XPO5: variants seen among roughly 807,000 people sequenced by gnomAD.
XPO5 encodes exportin 5.
XPO5 carries 46 observed loss-of-function variants against 160.6 expected under a neutral mutation model. The observed-to-expected ratio is 0.29, with a 90% CI of 0.23 to 0.37. The LOEUF (loss-of-function observed/expected upper bound fraction) is 0.37. Ranked by LOEUF, XPO5 falls within the 10% of genes least tolerant of loss-of-function variation. XPO5 has a pLI of 1.00. For missense variants in XPO5, 1,090 were observed against 1,463.9 expected, an observed-to-expected ratio of 0.74 and a Z score of 4.17; for synonymous variants, 537 against 519.3, an observed-to-expected ratio of 1.03 and a Z score of -0.46.
Position 43,551,373 on chromosome 6 carries a change from G to A in XPO5, c.1653C>T (p.Cys551=), listed in dbSNP as rs770243870. Residue 551 remains cysteine (C), a synonymous_variant, in exon 15 of 32, where the codon TGC becomes TGT. Coordinates refer to ENST00000265351, the MANE Select transcript of XPO5 (RefSeq NM_020750.3). ...FDTKDPLILS[C]VLTNVSALFP... ...AGAGTGCAGAGACATTAGTAAGGAC[G>A]CAGGACAGGATGAGGGGATCCTTGG... The A allele has an allele frequency of 2.2e-5, 35 of 1,613,784 alleles. No individual in the cohort carries two copies. Among genetic ancestry groups the A allele is most frequent in the Non-Finnish European group, 2.6e-5 (31 of 1,179,860 alleles).
At position 43,528,213 on chromosome 6, in the gene XPO5, AAC is replaced by A. The variant is rs1240146376; in HGVS notation, c.2776-10_2776-9del. The A allele has an allele frequency of 1.3e-6, 2 of 1,586,640 alleles. No individual in the cohort carries two copies. The highest frequency in any genetic ancestry group is 8.6e-7 in the Non-Finnish European group (1 of 1,165,624). ...CCATTTCTGAGAAAGCCTCTGGGAAAACACAAAGGAAATAAATGCTAGAATTG... is the reference window on the plus strand; with the variant it reads ...CCATTTCTGAGAAAGCCTCTGGGAAAACAAAGGAAATAAATGCTAGAATTG... On this transcript the variant is annotated splice_polypyrimidine_tract_variant and intron_variant, in intron 24 of 31. Transcript: ENST00000265351.
chr6:43,531,563 G>C lies in XPO5; in HGVS notation c.2456C>G (p.Pro819Arg), dbSNP rs1195386526. The C allele has an allele frequency of 6.2e-7, 1 of 1,613,852 alleles. No homozygotes were observed. Among genetic ancestry groups the C allele is most frequent in the Non-Finnish European group, 8.5e-7 (1 of 1,179,764 alleles). The change falls in exon 22 of 32, where the codon CCT (proline) becomes CGT (arginine). Residue 819 changes from proline (P) to arginine (R), a missense_variant. Coordinates refer to ENST00000265351, the MANE Select transcript of XPO5 (RefSeq NM_020750.3). ...EKSAILGLPQ[P>R]LLELNDSPVF... ...AGGAGAGTCATTGAGTTCCAAGAGA[G>C]GTTGAGGTAATCCTACAGGGAAATA...
intron 12 of XPO5, among the ~76,000 whole-genome samples, 177 bp downstream of exon 12, chr6:43,558,324 T>C (rs1194637956): frequency 6.6e-6 from 1 of 152,038 alleles, no homozygotes; most frequent in African/African-American, 2.4e-5. Flanking sequence ...AACAAAATAT[T>C]ATGCCTGGAA....
intron 2 of XPO5, 65 bp from the exon 3 acceptor site, chr6:43,572,643 G>A: frequency 6.8e-7 from 1 of 1,471,822 alleles, no homozygotes; most frequent in Non-Finnish European, 9.5e-7. Flanking sequence ...CAAGAGAATA[G>A]CATGGATTTC....
chr6:43,532,943 G>A (rs1794074683), intron 21 of XPO5, among the ~76,000 whole-genome samples: 1 of 152,086 alleles, frequency 6.6e-6, no homozygotes, highest in African/African-American at 2.4e-5. Flanking sequence ...TCATGAGTTC[G>A]AGACCAGCCT....
chr6:43,559,490 C>T (rs1408757199), intron 11 of XPO5, among the ~76,000 whole-genome samples: 3 of 152,162 alleles, frequency 2.0e-5, no homozygotes, highest in Admixed American at 2.0e-4. Context: ...CTTCCACTCT[C>T]ACTCCCCTCA....
At chr6:43,551,486 G>C (rs141689928) in intron 14 of XPO5, 33 bp from the exon 15 acceptor site, 11 of 1,603,768 alleles carry the variant, frequency 6.9e-6, no homozygotes, top group Non-Finnish European at 9.4e-6. Context: ...GTTGACAATG[G>C]CTGCCTCCAC....
chr6:43,533,003 G>A (rs1794080241), intron 21 of XPO5, among the ~76,000 whole-genome samples: 1 of 151,956 alleles, frequency 6.6e-6, no homozygotes, highest in African/African-American at 2.4e-5. Flanking sequence ...AAAATTAGCC[G>A]GGTGTGATGG....
chr6:43,526,817 A>T, intron 26 of XPO5, 70 bp from the exon 27 acceptor site: 1 of 1,507,002 alleles, frequency 6.6e-7, no homozygotes, highest in Non-Finnish European at 9.1e-7. Flanking sequence ...CCTCAGGCCC[A>T]CTGATCCCAA....
chr6:43,547,914 T>C (rs1795040001), intron 18 of XPO5, among the ~76,000 whole-genome samples: 1 of 152,188 alleles, frequency 6.6e-6, no homozygotes, highest in Admixed American at 6.5e-5. Context: ...ATTTAAGAAT[T>C]AAACAAGAAT....
At chr6:43,547,961 T>C (rs1795043418) in intron 18 of XPO5, among the ~76,000 whole-genome samples, 1 of 152,210 alleles carries the variant, frequency 6.6e-6, no homozygotes, top group African/African-American at 2.4e-5. Flanking sequence ...ATTTCTCTAC[T>C]GTGTGAGCAC....
intron 5 of XPO5, 122 bp downstream of exon 5, chr6:43,570,380 T>A: frequency 1.2e-6 from 1 of 831,728 alleles, no homozygotes; most frequent in South Asian, 3.4e-5. Context: ...AGTTTTTTAT[T>A]TTTTTGCTTA....
At chr6:43,538,051 C>T (rs1389707352) in intron 20 of XPO5, among the ~76,000 whole-genome samples, 6 of 129,972 alleles carry the variant, frequency 4.6e-5, no homozygotes, top group Non-Finnish European at 9.3e-5. Context: ...CACCAGTGCA[C>T]TCCAGCATGG....
Position 43,523,776 on chromosome 6 carries a change from G to A in XPO5, c.*92C>T. ...TTCCAGGCTGACAGTGGTGGAAAGT[G>A]AGGTGGCAGTGCAAGAAGGGCCTAG... On this transcript the variant is annotated 3_prime_UTR_variant, in exon 32 of 32. Coordinates refer to ENST00000265351, the MANE Select transcript of XPO5 (RefSeq NM_020750.3). 6.3e-7 allele frequency: 1 copy of A among 1,598,800 alleles called. No individual in the cohort carries two copies. Among genetic ancestry groups the A allele is most frequent in the Middle Eastern group, 1.7e-4 (1 of 6,024 alleles).
At chr6:43,528,794 A>G (rs768205007) in intron 24 of XPO5, 34 bp downstream of exon 24, 2 of 1,588,560 alleles carry the variant, frequency 1.3e-6, no homozygotes, top group Non-Finnish European at 8.6e-7. Flanking sequence ...CCTTAATAGT[A>G]CTCTTTGCTT....
rs1436153221 is a variant in XPO5 at position 43,526,453 on chromosome 6, A to G, written c.2983+232T>C. The G allele has an allele frequency of 1.8e-5, 10 of 556,950 alleles. No homozygotes were observed. The Admixed American group carries it at 3.1e-4, about 17-fold the overall frequency. The allele number at this position is 556,950 out of a possible 1,614,324, so 34.5% of individuals were successfully genotyped here. Reference sequence around the variant, plus strand: ...GTGACATTGGAATAAAGCAAGAGAAAAGATCACATATATGGTTGGGAGGAA... The same window carrying G: ...GTGACATTGGAATAAAGCAAGAGAAGAGATCACATATATGGTTGGGAGGAA... On this transcript the variant is annotated intron_variant, in intron 27 of 31. Transcript: ENST00000265351.
intron 16 of XPO5, 113 bp from the exon 17 acceptor site, chr6:43,549,691 C>T (rs1266381925): frequency 2.5e-5 from 33 of 1,332,730 alleles, no homozygotes; most frequent in Admixed American, 4.4e-5. Context: ...TTTTTCACAA[C>T]CCTAAGAGTA....
intron 12 of XPO5, 25 bp from the exon 13 acceptor site, chr6:43,555,989 A>AG (rs1165457081): frequency 3.1e-6 from 5 of 1,612,322 alleles, no homozygotes; most frequent in Middle Eastern, 3.3e-4. Flanking sequence ...TGCCAAGGGA[A>AG]GGACAGGAAT....
rs1554133583 is a variant in XPO5 at position 43,536,787 on chromosome 6, A to AAAG, written c.2343-2781_2343-2780insCTT. Among the ~76,000 whole-genome samples the AAAG allele has an allele frequency of 1.3e-3, 187 of 148,538 alleles. 5 individuals carry two copies. The highest frequency in any genetic ancestry group is 4.5e-3 in the African/African-American group (175 of 39,090). ...AAAAAAAAAAAAAAAAAAAAAAAAA[A>AAAG]AAAGCAGCTTTACTTTTTGGGTTTT... On this transcript the variant is annotated intron_variant, in intron 20 of 31. Transcript: ENST00000265351.
Sources: allele counts gnomAD v4.1 joint callset (sites outside exome capture counted in the v4.1 genomes callset), GRCh38; gene constraint gnomAD v4.1.1; transcripts MANE v1.5; gene names NCBI Gene and HGNC (gene_info 2026-07-23, HGNC 2026-07-21).